The following WWOX variants were observed in gnomAD, a reference collection of about 807,000 sequenced individuals.
The protein encoded by WWOX is WW domain containing oxidoreductase.
WWOX carries 69 observed loss-of-function variants against 46.2 expected under a neutral mutation model. The observed-to-expected ratio is 1.49, with a 90% CI of 1.23 to 1.82. WWOX has a LOEUF of 1.82. Ranked by LOEUF, WWOX falls within the 40% of genes most tolerant of loss-of-function variation. The probability of loss-of-function intolerance (pLI) is 0.00; values close to 1 mark genes in which losing one functional copy is unlikely to be tolerated. For synonymous variants in WWOX, 359 were observed against 202.6 expected (o/e 1.77, Z -6.56); for missense variants, 919 against 542.6 (o/e 1.69, Z -6.89).
chr16:78,510,846 G>A (rs2085344045), intron 8 of WWOX, among the ~76,000 whole-genome samples: 1 of 152,224 alleles, frequency 6.6e-6, no homozygotes, highest in African/African-American at 2.4e-5. Context: ...TAACTTTCAA[G>A]GATGTTTGAG....
At chr16:78,839,367 C>A (rs977644834) in intron 8 of WWOX, among the ~76,000 whole-genome samples, 1 of 152,056 alleles carries the variant, frequency 6.6e-6, no homozygotes, top group Non-Finnish European at 1.5e-5. Context: ...CTTTTCATGT[C>A]CTCAGAGAGG....
intron 6 of WWOX, among the ~76,000 whole-genome samples, chr16:78,417,294 T>C (rs1468847837): frequency 6.6e-6 from 1 of 152,108 alleles, no homozygotes; most frequent in Non-Finnish European, 1.5e-5. Flanking sequence ...GGTCTTGCTA[T>C]GTTGTCCAGG....
intron 8 of WWOX, among the ~76,000 whole-genome samples, chr16:78,529,197 C>T (rs72803910): frequency 6.6e-6 from 1 of 151,980 alleles, no homozygotes; most frequent in Non-Finnish European, 1.5e-5. Flanking sequence ...TCAAAGGATC[C>T]TCCCACCTCA....
intron 8 of WWOX, among the ~76,000 whole-genome samples, chr16:78,479,593 C>T (rs756513097): frequency 6.6e-6 from 1 of 152,124 alleles, no homozygotes; most frequent in Non-Finnish European, 1.5e-5. Context: ...ATGTCCCATT[C>T]CCTAGAATAG....
At chr16:79,087,497 C>T (rs909557985) in intron 8 of WWOX, among the ~76,000 whole-genome samples, 2 of 152,208 alleles carry the variant, frequency 1.3e-5, no homozygotes, top group African/African-American at 4.8e-5. Context: ...TAAGAATCCT[C>T]ATCTTAACCC....
chr16:78,862,472 A>T (rs151331113), intron 8 of WWOX, among the ~76,000 whole-genome samples: 1 of 152,022 alleles, frequency 6.6e-6, no homozygotes, highest in African/African-American at 2.4e-5. Context: ...ATCTATAAAC[A>T]CACAAGTGCA....
chr16:78,694,411 T>C (rs143751663), intron 8 of WWOX, among the ~76,000 whole-genome samples: 20 of 152,256 alleles, frequency 1.3e-4, no homozygotes, highest in Non-Finnish European at 2.9e-4. Flanking sequence ...CCTGAAACAA[T>C]GCCCTTCCCA....
At chr16:78,764,071 A>C (rs1465507098) in intron 8 of WWOX, among the ~76,000 whole-genome samples, 2 of 152,210 alleles carry the variant, frequency 1.3e-5, no homozygotes, top group Non-Finnish European at 2.9e-5. Context: ...AGAGAGATCC[A>C]GAAGGGTTGA....
At chr16:79,045,459 A>C (rs1421772740) in intron 8 of WWOX, among the ~76,000 whole-genome samples, 2 of 152,200 alleles carry the variant, frequency 1.3e-5, no homozygotes, top group Non-Finnish European at 1.5e-5. Context: ...GAAATGGGCA[A>C]AGTTGCCAGC....
At chr16:79,082,465 A>G (rs1407865439) in intron 8 of WWOX, among the ~76,000 whole-genome samples, 3 of 152,174 alleles carry the variant, frequency 2.0e-5, no homozygotes, top group East Asian at 1.9e-4. Flanking sequence ...AGGAATGGCT[A>G]CTTCTCTGGC....
At chr16:79,060,514 T>C (rs2048339517) in intron 8 of WWOX, among the ~76,000 whole-genome samples, 1 of 152,256 alleles carries the variant, frequency 6.6e-6, no homozygotes, top group Admixed American at 6.5e-5. Context: ...TAGCATCTTA[T>C]TATATTAGAC....
At chr16:78,751,039 C>T (rs1185713878) in intron 8 of WWOX, among the ~76,000 whole-genome samples, 1 of 151,996 alleles carries the variant, frequency 6.6e-6, no homozygotes, top group Non-Finnish European at 1.5e-5. Context: ...AATGGTAATT[C>T]TATTTTTAGA....
intron 8 of WWOX, among the ~76,000 whole-genome samples, chr16:78,579,606 T>C (rs972977647): frequency 2.6e-5 from 4 of 152,266 alleles, no homozygotes; most frequent in South Asian, 2.1e-4. Flanking sequence ...GCCAGGAAAC[T>C]CCTGTACTTC....
At chr16:79,133,769 C>A (rs1185999767) in intron 8 of WWOX, among the ~76,000 whole-genome samples, 1 of 152,132 alleles carries the variant, frequency 6.6e-6, no homozygotes, top group Non-Finnish European at 1.5e-5. Context: ...AAACGTATTA[C>A]TTAACTAGGC....
chr16:78,791,892 A>G lies in WWOX; in HGVS notation c.1056+359140A>G, dbSNP rs189087135. ...AACTTTTGTCTCAAAAACAACAACA[A>G]CAACAACAACAAACAAACAAGAAAC... is the stretch of plus-strand genomic sequence containing the variant. On this transcript the variant is annotated intron_variant, in intron 8 of 8. Coordinates refer to ENST00000566780, the MANE Select transcript of WWOX (RefSeq NM_016373.4). 3.3e-5 allele frequency among the ~76,000 whole-genome samples: 5 copies of G among 152,252 alleles called. No homozygotes were observed. In the East Asian group the frequency reaches 9.7e-4, roughly 29 times the overall value.
At chr16:78,396,492 A>C (rs1161273778) in intron 6 of WWOX, among the ~76,000 whole-genome samples, 1 of 152,230 alleles carries the variant, frequency 6.6e-6, no homozygotes, top group African/African-American at 2.4e-5. Context: ...TAAATTGAAC[A>C]CAACTTTCCC....
intron 4 of WWOX, among the ~76,000 whole-genome samples, chr16:78,135,422 C>G (rs151320622): frequency 1.3e-5 from 2 of 152,248 alleles, no homozygotes; most frequent in East Asian, 1.9e-4. Flanking sequence ...TAGGCAGAAT[C>G]TGGATTTTTA....
chr16:78,342,614 G>C (rs916439860), intron 5 of WWOX, among the ~76,000 whole-genome samples: 1 of 120,392 alleles, frequency 8.3e-6, no homozygotes, highest in East Asian at 1.9e-4. Flanking sequence ...ATGACTTCCA[G>C]CCAAGTGAGA....
At chr16:78,537,791 G>A (rs183991470) in intron 8 of WWOX, among the ~76,000 whole-genome samples, 1 of 152,146 alleles carries the variant, frequency 6.6e-6, no homozygotes, top group Non-Finnish European at 1.5e-5. Flanking sequence ...TTGAAAGGGA[G>A]GTAATCAGGG....
Sources: gnomAD v4.1 joint callset for allele counts (sites outside exome capture counted in the v4.1 genomes callset) on GRCh38, gnomAD v4.1.1 for gene constraint, MANE v1.5 for transcripts, NCBI Gene and HGNC (gene_info 2026-07-23, HGNC 2026-07-21) for gene names.